The following TMEM175 variants were observed in gnomAD, a reference collection of about 807,000 sequenced individuals.
The protein encoded by TMEM175 is endosomal/lysosomal proton channel TMEM175.
A neutral mutation model predicts 36.5 loss-of-function variants in TMEM175; 36 were observed. The observed-to-expected ratio is 0.99, with a 90% CI of 0.76 to 1.30. The LOEUF is 1.30. Ranked by LOEUF, TMEM175 falls within the 50% of genes most tolerant of loss-of-function variation. The pLI, the probability that TMEM175 is intolerant of heterozygous loss-of-function variation, is 0.00. For missense variants in TMEM175, 705 were observed against 692.8 expected (o/e 1.02, Z -0.20); for synonymous variants, 339 against 313.4 (o/e 1.08, Z -0.86).
intron 8 of TMEM175, among the ~76,000 whole-genome samples, chr4:954,546 A>G (rs1276623877): frequency 6.6e-6 from 1 of 152,044 alleles, no homozygotes; most frequent in Non-Finnish European, 1.5e-5. Context: ...CGGTGTGAGC[A>G]TTGTTGCGTG....
In TMEM175 at chr4:950,526, C is replaced by T; in HGVS notation, c.290+8C>T. On this transcript the variant is annotated splice_region_variant and intron_variant, in intron 4 of 10. Transcript: ENST00000264771. ...CTGGGCAGCACACACAAGGTGGGGGCCCGGGCGCTTCCAGCGGTCCATAGC... is the reference window on the plus strand; with the variant it reads ...CTGGGCAGCACACACAAGGTGGGGGTCCGGGCGCTTCCAGCGGTCCATAGC... The T allele has an allele frequency of 3.7e-6, 6 of 1,611,096 alleles. No homozygotes were observed. The highest frequency in any genetic ancestry group is 5.1e-6 in the Non-Finnish European group (6 of 1,177,546).
At chr4:947,230 G>A (rs1381121389) in intron 1 of TMEM175, among the ~76,000 whole-genome samples, 1 of 125,782 alleles carries the variant, frequency 8.0e-6, no homozygotes, top group African/African-American at 3.1e-5. Flanking sequence ...CCCCAGGCAC[G>A]TGTGCACGGG....
chr4:952,756 CTGTG>C lies in TMEM175; in HGVS notation c.462+319_462+322del, dbSNP rs367644317. On this transcript the variant is annotated intron_variant, in intron 7 of 10. Coordinates refer to ENST00000264771, the MANE Select transcript of TMEM175 (RefSeq NM_032326.4). Reference sequence around the variant, plus strand: ...CCCTCTTGGGGCCCGGGGCCCTGTGCTGTGTGTGTGTGTGTGCTGTATGTGTGTG... The same window carrying C: ...CCCTCTTGGGGCCCGGGGCCCTGTGCTGTGTGTGTGTGCTGTATGTGTGTG... 2.3e-3 allele frequency among the ~76,000 whole-genome samples: 326 copies of C among 142,680 alleles called. 1 individual carries two copies. The highest frequency in any genetic ancestry group is 7.4e-3 in the African/African-American group (287 of 38,724). The allele number at this position is 142,680 out of a possible 152,430, so 93.6% of individuals were successfully genotyped here. A position where few individuals can be genotyped will look rare whatever the true frequency, so the allele number is the denominator to read the frequency against.
intron 10 of TMEM175, among the ~76,000 whole-genome samples, chr4:957,532 G>A (rs1254748704): frequency 1.3e-5 from 2 of 152,280 alleles, no homozygotes; most frequent in African/African-American, 4.8e-5. Context: ...CGGCCAGAGA[G>A]GGCTGCAGCC....
chr4:957,210 C>T (rs1729792276), intron 10 of TMEM175, among the ~76,000 whole-genome samples: 1 of 152,052 alleles, frequency 6.6e-6, no homozygotes, highest in Non-Finnish European at 1.5e-5. Context: ...TTCTGGAGGA[C>T]AGAAGTCTGT....
chr4:953,682 CTTGTT>C (rs1400755673), intron 8 of TMEM175, among the ~76,000 whole-genome samples: 1 of 152,234 alleles, frequency 6.6e-6, no homozygotes, highest in African/African-American at 2.4e-5. Flanking sequence ...CATGCGTTTT[CTTGTT>C]TTGTTTTTTG....
At chr4:938,300 T>C (rs980011546) in intron 1 of TMEM175, among the ~76,000 whole-genome samples, 14 of 152,316 alleles carry the variant, frequency 9.2e-5, no homozygotes, top group African/African-American at 3.1e-4. Flanking sequence ...GGTCAGGAGT[T>C]TGAGACCAGC....
intron 4 of TMEM175, 64 bp from the exon 5 acceptor site, chr4:951,139 AGAGT>A (rs1171717788): frequency 1.6e-5 from 22 of 1,383,268 alleles, no homozygotes; most frequent in Non-Finnish European, 2.2e-5. Context: ...GATGCTGGAA[AGAGT>A]GTGTGTGCAT....
At chr4:952,087 T>C (rs1376731177) in intron 6 of TMEM175, 1 of 585,286 alleles carries the variant, frequency 1.7e-6, no homozygotes, top group Non-Finnish European at 3.0e-6. Flanking sequence ...CTAGTCTGAG[T>C]GTGCGGGGCT....
chr4:941,744 G>A (rs968632677), intron 1 of TMEM175, among the ~76,000 whole-genome samples: 2 of 151,632 alleles, frequency 1.3e-5, no homozygotes, highest in Non-Finnish European at 2.9e-5. Flanking sequence ...CCTCTGCTAA[G>A]TTTTTCTATA....
chr4:954,193 T>C (rs1729326179), intron 8 of TMEM175, among the ~76,000 whole-genome samples: 1 of 151,894 alleles, frequency 6.6e-6, no homozygotes, highest in African/African-American at 2.4e-5. Context: ...TTCACCATGT[T>C]GGCCAGGCTG....
chr4:954,715 G>A (rs1729398359), intron 8 of TMEM175, among the ~76,000 whole-genome samples: 1 of 152,108 alleles, frequency 6.6e-6, no homozygotes. Flanking sequence ...AATTTTTTGA[G>A]GAACCACCAA....
chr4:948,382 G>A (rs1332073769), intron 3 of TMEM175: 2 of 1,530,474 alleles, frequency 1.3e-6, no homozygotes, highest in Non-Finnish European at 1.7e-6. Flanking sequence ...TGGGAGACTG[G>A]GCTCCTAGGG....
At position 958,274 on chromosome 4, in the gene TMEM175, G is replaced by A; in HGVS notation, c.1293G>A (p.Leu431=). 6.2e-7 allele frequency: 1 copy of A among 1,606,124 alleles called. No homozygotes were observed. ...AKLALYPCAS[L]LAFASTCLLS... is the part of the protein sequence containing the mutation. ...TGGCGCTGTACCCCTGTGCCAGCCT[G>A]CTGGCCTTCGCCTCCACCTGCCTGC... The change falls in exon 11 of 11, where the codon CTG becomes CTA. Residue 431 remains leucine, a synonymous_variant. Coordinates refer to ENST00000264771, the MANE Select transcript of TMEM175 (RefSeq NM_032326.4).
At chr4:953,976 G>T (rs900289684) in intron 8 of TMEM175, among the ~76,000 whole-genome samples, 1 of 151,984 alleles carries the variant, frequency 6.6e-6, no homozygotes, top group South Asian at 2.1e-4. Flanking sequence ...GAGCCACCAC[G>T]CCAGCCTTTA....
Position 955,908 on chromosome 4 carries a change from C to G in TMEM175, c.842+18C>G, listed in dbSNP as rs1245473683. On this transcript the variant is annotated intron_variant, in intron 10 of 10. Transcript: ENST00000264771. ...GACATCTGGTGAGGACCCCGCGTCA[C>G]CTGCCCCAGCTATCAGGTGGCCAAT... 1.4e-5 allele frequency: 22 copies of G among 1,607,980 alleles called. No individual in the cohort carries two copies. The highest frequency in any genetic ancestry group is 2.2e-5 in the East Asian group (1 of 44,746).
chr4:956,065 C>T (rs1729584760), intron 10 of TMEM175, 175 bp downstream of exon 10: 2 of 867,796 alleles, frequency 2.3e-6, no homozygotes, highest in Admixed American at 2.9e-5. Context: ...GACAACCTTC[C>T]CGGCGGCCCC....
At chr4:952,316 G>C (rs1011187290) in intron 6 of TMEM175, 51 bp from the exon 7 acceptor site, 2 of 1,543,608 alleles carry the variant, frequency 1.3e-6, no homozygotes, top group African/African-American at 2.7e-5. Context: ...AGGCTCTGGG[G>C]CCTGGTAACC....
chr4:952,811 C>T (rs914899108), intron 7 of TMEM175, among the ~76,000 whole-genome samples: 10 of 151,366 alleles, frequency 6.6e-5, no homozygotes, highest in African/African-American at 9.7e-5. Context: ...GATCGATTGC[C>T]GTCAGGTCAC....
Sources: allele counts gnomAD v4.1 joint callset (sites outside exome capture counted in the v4.1 genomes callset), GRCh38; gene constraint gnomAD v4.1.1; transcripts MANE v1.5; gene names NCBI Gene and HGNC (gene_info 2026-07-23, HGNC 2026-07-21).